The following ABCB11 variants were observed in gnomAD, a reference collection of about 807,000 sequenced individuals.
ABCB11 encodes the protein bile salt export pump.
Under a neutral mutation model 148.0 loss-of-function variants are expected in ABCB11, and 95 were observed. The observed-to-expected ratio is 0.64, with a 90% CI of 0.54 to 0.76. ABCB11 has a LOEUF of 0.76. Among genes scored for constraint, ABCB11 ranks in the 30% least tolerant of loss-of-function variants. ABCB11 has a pLI of 0.00. For missense variants in ABCB11, 1,523 were observed against 1,617.8 expected, an observed-to-expected ratio of 0.94 and a Z score of 1.01; for synonymous variants, 591 against 555.4, an observed-to-expected ratio of 1.06 and a Z score of -0.90.
At chr2:169,001,774 A>G (rs1447733220) in intron 5 of ABCB11, among the ~76,000 whole-genome samples, 40 of 152,100 alleles carry the variant, frequency 2.6e-4, no homozygotes, top group Non-Finnish European at 1.5e-5. Context: ...GTCTGCACTC[A>G]TTGGGGTTTC....
intron 5 of ABCB11, among the ~76,000 whole-genome samples, chr2:169,004,292 C>T (rs1694959560): frequency 6.6e-6 from 1 of 152,204 alleles, no homozygotes; most frequent in South Asian, 2.1e-4. Context: ...TTCTCTTCTT[C>T]CTCGAGAACA....
chr2:168,918,172 G>C (rs745601585), downstream of ABCB11, among the ~76,000 whole-genome samples: 3 of 152,080 alleles, frequency 2.0e-5, no homozygotes, highest in Non-Finnish European at 2.9e-5. Context: ...TATTCCTTAC[G>C]TGGGGGCTGA....
intron 19 of ABCB11, among the ~76,000 whole-genome samples, chr2:168,951,590 A>G (rs1440860563): frequency 6.6e-6 from 1 of 151,586 alleles, no homozygotes; most frequent in African/African-American, 2.4e-5. Context: ...ATTTCTGTAA[A>G]TTAATTTTGT....
chr2:168,980,548 C>T (rs1370270755), intron 10 of ABCB11, among the ~76,000 whole-genome samples: 1 of 152,086 alleles, frequency 6.6e-6, no homozygotes, highest in Non-Finnish European at 1.5e-5. Flanking sequence ...AGTGTTTTAT[C>T]TGTATTATTT....
At chr2:168,931,148 A>G (rs1489266308) in intron 24 of ABCB11, among the ~76,000 whole-genome samples, 1 of 152,220 alleles carries the variant, frequency 6.6e-6, no homozygotes, top group Non-Finnish European at 1.5e-5. Context: ...CATTCTGAAT[A>G]GAAGAGAATA....
intron 10 of ABCB11, 31 bp from the exon 11 acceptor site, chr2:168,980,010 G>T: frequency 7.3e-7 from 1 of 1,367,478 alleles, no homozygotes; most frequent in Non-Finnish European, 1.0e-6. Context: ...TTTTTCATGT[G>T]TTTTTGTTAA....
chr2:168,950,134 T>TACACACACAC (rs767462084), intron 19 of ABCB11, among the ~76,000 whole-genome samples: 2 of 74,490 alleles, frequency 2.7e-5, no homozygotes, highest in African/African-American at 9.2e-5. Flanking sequence ...CTCCCATATA[T>TACACACACAC]ATATATACAC....
At chr2:168,988,103 A>G (rs1429133325) in intron 9 of ABCB11, among the ~76,000 whole-genome samples, 1 of 152,154 alleles carries the variant, frequency 6.6e-6, no homozygotes, top group Non-Finnish European at 1.5e-5. Context: ...TCTTGACTTT[A>G]TAAACTGCCT....
intron 19 of ABCB11, among the ~76,000 whole-genome samples, chr2:168,954,204 T>C (rs1177712633): frequency 1.4e-5 from 2 of 144,802 alleles, no homozygotes; most frequent in African/African-American, 5.1e-5. Flanking sequence ...AGTTATTTTA[T>C]AAATTGTTTC....
chr2:169,009,826 G>C (rs773548828), intron 5 of ABCB11, among the ~76,000 whole-genome samples: 6 of 152,090 alleles, frequency 3.9e-5, no homozygotes, highest in Non-Finnish European at 7.4e-5. Context: ...TGTACACTTC[G>C]AGTGGGTGAA....
chr2:168,986,902 T>A (rs74369560), intron 9 of ABCB11, among the ~76,000 whole-genome samples: 4,607 of 152,252 alleles, frequency 0.03, 106 homozygotes, highest in African/African-American at 0.063. Flanking sequence ...CATATATAGC[T>A]CAGGCATTCT....
chr2:168,957,532 C>T (rs1377943204), intron 19 of ABCB11, among the ~76,000 whole-genome samples: 4 of 151,574 alleles, frequency 2.6e-5, no homozygotes, highest in South Asian at 2.1e-4. Flanking sequence ...TAGTGCAATC[C>T]GTGGAGAATT....
intron 19 of ABCB11, among the ~76,000 whole-genome samples, chr2:168,947,345 T>C (rs1019857841): frequency 1.0e-5 from 1 of 97,764 alleles, no homozygotes; most frequent in Non-Finnish European, 2.3e-5. Context: ...GACTCTCACA[T>C]CCATTTTTTT....
At chr2:169,009,584 G>A (rs552902411) in intron 5 of ABCB11, among the ~76,000 whole-genome samples, 1 of 113,430 alleles carries the variant, frequency 8.8e-6, no homozygotes, top group East Asian at 3.3e-4. Context: ...GTTGTGGGGT[G>A]GGGGGAGGGG....
At chr2:168,986,079 T>C (rs1197938699) in intron 10 of ABCB11, 31 bp downstream of exon 10, 2 of 1,453,088 alleles carry the variant, frequency 1.4e-6, no homozygotes, top group East Asian at 2.4e-5. Flanking sequence ...CAGAAGGAAA[T>C]GCTATGTCTC....
At chr2:168,945,743 A>T (rs1054528366) in intron 19 of ABCB11, among the ~76,000 whole-genome samples, 1 of 151,868 alleles carries the variant, frequency 6.6e-6, no homozygotes, top group Non-Finnish European at 1.5e-5. Context: ...ATTTTGACCG[A>T]TATCTTTCTC....
intron 16 of ABCB11, among the ~76,000 whole-genome samples, chr2:168,968,829 C>T (rs111458773): frequency 3.8e-4 from 57 of 151,450 alleles, no homozygotes; most frequent in African/African-American, 1.4e-3. Context: ...TTTCAAAAGT[C>T]TATTCAGAAT....
At chr2:168,918,554 G>T (rs776750486), downstream of ABCB11, among the ~76,000 whole-genome samples, 45 of 152,040 alleles carry the variant, frequency 3.0e-4, no homozygotes, top group Non-Finnish European at 4.4e-4. Context: ...ATCAGAAATG[G>T]TTTTTTTCTG....
chr2:168,958,177 T>C (rs1692886444), intron 18 of ABCB11, 49 bp from the exon 19 acceptor site: 1 of 1,559,064 alleles, frequency 6.4e-7, no homozygotes, highest in East Asian at 2.3e-5. Flanking sequence ...ACTCAAGACA[T>C]TTTGCAGCAG....
Sources: allele counts gnomAD v4.1 joint callset (sites outside exome capture counted in the v4.1 genomes callset), GRCh38; gene constraint gnomAD v4.1.1; transcripts MANE v1.5; gene names NCBI Gene and HGNC (gene_info 2026-07-23, HGNC 2026-07-21).